Variants in ZFPM2 observed in about 807,000 individuals in gnomAD.
ZFPM2 encodes zinc finger protein, FOG family member 2.
ZFPM2 carries 20 observed loss-of-function variants against 98.6 expected under a neutral mutation model. The observed-to-expected ratio is 0.20, with a 90% CI of 0.14 to 0.29. The LOEUF is 0.29. ZFPM2 is among the 10% of genes least tolerant of loss of function. The pLI is 1.00. For missense variants in ZFPM2, 1,310 were observed against 1,388.6 expected, an observed-to-expected ratio of 0.94 and a Z score of 0.90; for synonymous variants, 518 against 502.7, an observed-to-expected ratio of 1.03 and a Z score of -0.41.
chr8:105,382,562 C>T (rs982578819), intron 1 of ZFPM2, among the ~76,000 whole-genome samples: 5 of 151,944 alleles, frequency 3.3e-5, no homozygotes, highest in Admixed American at 2.0e-4. Context: ...GTGGTATAAG[C>T]GTTTGCATAT....
intron 1 of ZFPM2, among the ~76,000 whole-genome samples, chr8:105,413,451 G>A (rs1295428381): frequency 6.7e-6 from 1 of 149,260 alleles, no homozygotes; most frequent in African/African-American, 2.5e-5. Flanking sequence ...TTTGACAAAT[G>A]TGGCTCGATT....
chr8:105,435,395 G>A (rs974611572), intron 2 of ZFPM2, among the ~76,000 whole-genome samples: 5 of 151,996 alleles, frequency 3.3e-5, no homozygotes, highest in African/African-American at 1.2e-4. Context: ...TTTGTGCTTT[G>A]CTGAAAATAC....
At chr8:105,458,634 A>T (rs912096609) in intron 3 of ZFPM2, among the ~76,000 whole-genome samples, 7 of 152,194 alleles carry the variant, frequency 4.6e-5, no homozygotes, top group African/African-American at 1.7e-4. Context: ...TCTGAAATTG[A>T]CAGTGCATAT....
intron 3 of ZFPM2, among the ~76,000 whole-genome samples, chr8:105,551,376 G>A (rs1586456894): frequency 6.6e-6 from 1 of 152,050 alleles, no homozygotes; most frequent in South Asian, 2.1e-4. Flanking sequence ...ATATTCATTG[G>A]TTATATGTTA....
chr8:105,482,601 T>A (rs1813142384), intron 3 of ZFPM2, among the ~76,000 whole-genome samples: 1 of 152,150 alleles, frequency 6.6e-6, no homozygotes, highest in Non-Finnish European at 1.5e-5. Flanking sequence ...TGTTTTTTAG[T>A]GGTTTTCTTT....
intron 3 of ZFPM2, among the ~76,000 whole-genome samples, chr8:105,530,420 G>A (rs1382651278): frequency 6.6e-6 from 1 of 152,114 alleles, no homozygotes; most frequent in African/African-American, 2.4e-5. Context: ...AAGACTAGGT[G>A]GCTTAAACAA....
intron 4 of ZFPM2, among the ~76,000 whole-genome samples, chr8:105,612,410 TGA>T (rs1249372862): frequency 6.6e-6 from 1 of 152,164 alleles, no homozygotes; most frequent in African/African-American, 2.4e-5. Context: ...TTGAAGCCCC[TGA>T]GAGGTCTGCA....
At chr8:105,443,789 A>G (rs1309978687) in intron 2 of ZFPM2, among the ~76,000 whole-genome samples, 1 of 152,196 alleles carries the variant, frequency 6.6e-6, no homozygotes, top group Admixed American at 6.5e-5. Context: ...TAAAACAAAT[A>G]AGACCCAGTC....
chr8:105,595,018 T>A (rs546585252), intron 4 of ZFPM2, among the ~76,000 whole-genome samples: 1 of 152,202 alleles, frequency 6.6e-6, no homozygotes, highest in East Asian at 1.9e-4. Flanking sequence ...CTAGCTAACT[T>A]AGGCAAAAAC....
At chr8:105,567,400 C>T (rs1486191191) in intron 4 of ZFPM2, among the ~76,000 whole-genome samples, 1 of 152,166 alleles carries the variant, frequency 6.6e-6, no homozygotes, top group African/African-American at 2.4e-5. Context: ...TGGACTAACA[C>T]CTCCGCTTCC....
intron 5 of ZFPM2, among the ~76,000 whole-genome samples, chr8:105,770,431 G>C (rs572240324): frequency 6.6e-6 from 1 of 152,132 alleles, no homozygotes; most frequent in Non-Finnish European, 1.5e-5. Flanking sequence ...ACAAAGTCAT[G>C]TGAGTTTATG....
chr8:105,514,752 A>C (rs1813886378), intron 3 of ZFPM2, among the ~76,000 whole-genome samples: 1 of 152,156 alleles, frequency 6.6e-6, no homozygotes. Context: ...TCTTTACAGC[A>C]CTTGTCACAA....
chr8:105,319,796 T>A (rs1706011470), intron 1 of ZFPM2: 1 of 152,176 alleles, frequency 6.6e-6, no homozygotes, highest in Non-Finnish European at 1.5e-5. Context: ...TGCATGGCCC[T>A]GAGCCCCCGG....
chr8:105,620,544 C>T (rs1816517408), intron 4 of ZFPM2, among the ~76,000 whole-genome samples: 3 of 152,064 alleles, frequency 2.0e-5, no homozygotes, highest in Admixed American at 6.6e-5. Flanking sequence ...TAATTAGATC[C>T]CATTTGTCTA....
intron 5 of ZFPM2, among the ~76,000 whole-genome samples, chr8:105,783,218 T>G (rs1468942662): frequency 1.4e-5 from 2 of 147,952 alleles, no homozygotes; most frequent in African/African-American, 5.0e-5. Flanking sequence ...TGGTTTTTTT[T>G]TTTTTTTTTT....
chr8:105,638,430 A>G (rs1816890014), intron 5 of ZFPM2, among the ~76,000 whole-genome samples: 1 of 152,074 alleles, frequency 6.6e-6, no homozygotes, highest in South Asian at 2.1e-4. Flanking sequence ...CCTAAAGTCT[A>G]AAAAGCTCTC....
intron 3 of ZFPM2, among the ~76,000 whole-genome samples, chr8:105,504,230 T>C (rs555735155): frequency 1.8e-4 from 28 of 152,266 alleles, no homozygotes; most frequent in African/African-American, 6.5e-4. Context: ...CTTGTCTTTA[T>C]TTAGTCTAGG....
chr8:105,442,718 T>C (rs1812279343), intron 2 of ZFPM2, among the ~76,000 whole-genome samples: 1 of 152,182 alleles, frequency 6.6e-6, no homozygotes, highest in Admixed American at 6.5e-5. Flanking sequence ...TCCTACTCCT[T>C]ACCTTTATTA....
intron 4 of ZFPM2, among the ~76,000 whole-genome samples, chr8:105,615,002 T>C (rs1816384642): frequency 6.6e-6 from 1 of 152,128 alleles, no homozygotes; most frequent in South Asian, 2.1e-4. Context: ...CTATTAAACT[T>C]TCTTCCATGT....
Sources: allele counts gnomAD v4.1 joint callset (sites outside exome capture counted in the v4.1 genomes callset), GRCh38; gene constraint gnomAD v4.1.1; transcripts MANE v1.5; gene names NCBI Gene and HGNC (gene_info 2026-07-23, HGNC 2026-07-21).